SAAL1: variants seen among roughly 807,000 people sequenced by gnomAD.
SAAL1 encodes protein SAAL1.
Under a neutral mutation model 59.8 loss-of-function variants are expected in SAAL1, and 42 were observed. That is an observed-to-expected ratio of 0.70 (90% CI 0.55 to 0.91). SAAL1 has a LOEUF of 0.91. SAAL1 is among the 40% of genes least tolerant of loss of function. SAAL1 has a pLI of 0.00. For missense variants in SAAL1, 542 were observed against 561.1 expected (o/e 0.97, Z 0.34); for synonymous variants, 191 against 194.3 (o/e 0.98, Z 0.14).
At position 18,106,010 on chromosome 11, in the gene SAAL1, C is replaced by G. The variant is rs746496552; in HGVS notation, c.32G>C (p.Gly11Ala). 1.3e-6 allele frequency: 2 copies of G among 1,584,790 alleles called. No individual in the cohort carries two copies. The highest frequency in any genetic ancestry group is 1.1e-5 in the South Asian group (1 of 89,140). MDRNPSPPPP[G>A]RDKEEEEEVA... The stretch of plus-strand genomic sequence containing the variant: ...CTCCTCCTCCTCCTCCTTGTCGCGA[C>G]CCGGCGGCGGCGGCGAGGGGTTGCG... The change falls in exon 1 of 12, where the codon GGT becomes GCT. Residue 11 changes from glycine to alanine, a missense_variant. Gly to Ala is a moderately conservative substitution (Grantham distance 60). Transcript: ENST00000524803.
intron 4 of SAAL1, among the ~76,000 whole-genome samples, chr11:18,091,624 G>C (rs978247613): frequency 2.6e-5 from 4 of 152,170 alleles, no homozygotes; most frequent in African/African-American, 9.7e-5. Flanking sequence ...CTGATTAAAA[G>C]CCATGAACCC....
Position 18,087,248 on chromosome 11 carries a change from C to G in SAAL1, c.771-23G>C, listed in dbSNP as rs181631983. ...GAACTAAATAGGAAAAGTAAAAGCACTGAATCAACAACTTTACTGTCCAGG... is the reference window on the plus strand; with the variant it reads ...GAACTAAATAGGAAAAGTAAAAGCAGTGAATCAACAACTTTACTGTCCAGG... On this transcript the variant is annotated intron_variant, in intron 7 of 11. Transcript: ENST00000524803. The G allele has an allele frequency of 1.4e-4, 206 of 1,476,490 alleles. 1 individual carries two copies. In the East Asian group the frequency reaches 4.5e-3, roughly 32 times the overall value. The allele number at this position is 1,476,490 out of a possible 1,614,324, so 91.5% of individuals were successfully genotyped here. A position where few individuals can be genotyped will look rare whatever the true frequency, so the allele number is the denominator to read the frequency against.
chr11:18,083,685 C>T lies in SAAL1; in HGVS notation c.1089G>A (p.Met363Ile). The change falls in exon 10 of 12, where the codon ATG (methionine) becomes ATA (isoleucine). Residue 363 changes from methionine (M) to isoleucine (I), a missense_variant. By Grantham distance (10) the Met-to-Ile change is conservative (BLOSUM62 1). Coordinates refer to ENST00000524803, the MANE Select transcript of SAAL1 (RefSeq NM_138421.3). ...TCTCTGGTTTTTTCTGACACTGTTCCATATTTTGTAAGACCCGAATGAGGC... is the reference window on the plus strand; with the variant it reads ...TCTCTGGTTTTTTCTGACACTGTTCTATATTTTGTAAGACCCGAATGAGGC... ...IDSLIRVLQN[M>I]EQCQKKPENS... is the part of the protein sequence containing the mutation. 1 of 1,611,172 alleles carries T rather than the reference C, an allele frequency of 6.2e-7. No homozygotes were observed. Among genetic ancestry groups the T allele is most frequent in the East Asian group, 2.2e-5 (1 of 44,800 alleles).
chr11:18,093,097 A>G (rs1848539103), intron 3 of SAAL1, among the ~76,000 whole-genome samples: 1 of 152,162 alleles, frequency 6.6e-6, no homozygotes, highest in Non-Finnish European at 1.5e-5. Flanking sequence ...TCCACACTGT[A>G]TGTGCTGCCT....
intron 10 of SAAL1, among the ~76,000 whole-genome samples, chr11:18,082,152 A>C (rs1434885163): frequency 1.3e-5 from 2 of 152,246 alleles, no homozygotes; most frequent in Admixed American, 1.3e-4. Context: ...TTAAAAGTTA[A>C]GAAATATCGA....
chr11:18,103,261 C>T lies in SAAL1; in HGVS notation c.221G>A (p.Cys74Tyr). 1 of 1,613,706 alleles carries T rather than the reference C, an allele frequency of 6.2e-7. No homozygotes were observed. The highest frequency in any genetic ancestry group is 1.6e-4 in the Middle Eastern group (1 of 6,062). The change falls in exon 2 of 12, where the codon TGC (cysteine) becomes TAC (tyrosine). Residue 74 changes from cysteine to tyrosine, a missense_variant. By Grantham distance (194) the Cys-to-Tyr change is radical (BLOSUM62 -2). Transcript: ENST00000524803. ...ELDEEMENEI[C>Y]RVWDMSMDED... ...ATCCATTGACATATCCCATACTCTG[C>T]AAATTTCATTCTCCATTTCTTCATC...
chr11:18,106,014 G>T lies in SAAL1; in HGVS notation c.28C>A (p.Pro10Thr), dbSNP rs1284911652. Residue 10 changes from proline to threonine, a missense_variant, in exon 1 of 12, where the codon CCG becomes ACG. Coordinates refer to ENST00000524803, the MANE Select transcript of SAAL1 (RefSeq NM_138421.3). MDRNPSPPPPGRDKEEEEEV... is the reference protein window; with the variant it reads MDRNPSPPPTGRDKEEEEEV... Reference sequence around the variant, plus strand: ...TCCTCCTCCTCCTTGTCGCGACCCGGCGGCGGCGGCGAGGGGTTGCGGTCC... The same window carrying T: ...TCCTCCTCCTCCTTGTCGCGACCCGTCGGCGGCGGCGAGGGGTTGCGGTCC... The T allele has an allele frequency of 3.2e-6, 5 of 1,578,890 alleles. No individual in the cohort carries two copies. In the African/African-American group the frequency reaches 6.7e-5, roughly 21 times the overall value.
At chr11:18,082,418 G>A (rs753670403) in intron 10 of SAAL1, among the ~76,000 whole-genome samples, 20 of 151,338 alleles carry the variant, frequency 1.3e-4, no homozygotes, top group African/African-American at 3.9e-4. Flanking sequence ...AATAATAAGC[G>A]TCAAGTAAAA....
chr11:18,097,055 T>C (rs1848585355), intron 2 of SAAL1, among the ~76,000 whole-genome samples: 1 of 151,874 alleles, frequency 6.6e-6, no homozygotes, highest in African/African-American at 2.4e-5. Flanking sequence ...GGCAACACGG[T>C]GAAACCCTGT....
chr11:18,095,947 G>A (rs534605014), intron 3 of SAAL1, among the ~76,000 whole-genome samples: 12 of 152,334 alleles, frequency 7.9e-5, no homozygotes, highest in African/African-American at 2.6e-4. Context: ...ATGAGACAGG[G>A]AGTAGAAAGG....
At chr11:18,095,899 G>C (rs1355485729) in intron 3 of SAAL1, among the ~76,000 whole-genome samples, 1 of 152,178 alleles carries the variant, frequency 6.6e-6, no homozygotes, top group Non-Finnish European at 1.5e-5. Flanking sequence ...AATACTGAGA[G>C]GGGACAGAAG....
intron 2 of SAAL1, among the ~76,000 whole-genome samples, chr11:18,099,144 A>C (rs1848606009): frequency 6.6e-6 from 1 of 152,176 alleles, no homozygotes; most frequent in Non-Finnish European, 1.5e-5. Flanking sequence ...TATCCTGTCC[A>C]TACTGGAGCA....
At chr11:18,093,085 T>A (rs1285860664) in intron 3 of SAAL1, among the ~76,000 whole-genome samples, 1 of 152,210 alleles carries the variant, frequency 6.6e-6, no homozygotes, top group East Asian at 1.9e-4. Context: ...TTGTTCAACA[T>A]ATCCACACTG....
intron 2 of SAAL1, among the ~76,000 whole-genome samples, chr11:18,097,972 G>A (rs527370883): frequency 3.9e-5 from 6 of 152,166 alleles, no homozygotes; most frequent in African/African-American, 9.6e-5. Context: ...ATAGTGAAAC[G>A]CCATCTCTAC....
intron 9 of SAAL1, 30 bp from the exon 10 acceptor site, chr11:18,083,761 T>C (rs1047554666): frequency 2.0e-6 from 3 of 1,488,124 alleles, no homozygotes; most frequent in Non-Finnish European, 2.7e-6. Context: ...AGCATGGAAT[T>C]GGCCAGTTAA....
intron 7 of SAAL1, among the ~76,000 whole-genome samples, chr11:18,088,610 G>A (rs911898130): frequency 6.6e-6 from 1 of 152,156 alleles, no homozygotes; most frequent in Admixed American, 6.5e-5. Context: ...ATAAGGGTTG[G>A]GAGTTGACTG....
chr11:18,103,255 A>C lies in SAAL1; in HGVS notation c.227T>G (p.Val76Gly), dbSNP rs767178556. 1 of 1,612,708 alleles carries C rather than the reference A, an allele frequency of 6.2e-7. No individual in the cohort carries two copies. The highest frequency in any genetic ancestry group is 8.5e-7 in the Non-Finnish European group (1 of 1,178,854). The change falls in exon 2 of 12, where the codon GTA becomes GGA. Residue 76 changes from valine to glycine, a missense_variant. Val to Gly is a moderately radical substitution (Grantham distance 109, BLOSUM62 -3). Transcript: ENST00000524803. ...DEEMENEICR[V>G]WDMSMDEDVA... ...TACCTCATCCATTGACATATCCCATACTCTGCAAATTTCATTCTCCATTTC... is the reference window on the plus strand; with the variant it reads ...TACCTCATCCATTGACATATCCCATCCTCTGCAAATTTCATTCTCCATTTC...
chr11:18,101,304 T>A (rs1344648947), intron 2 of SAAL1, among the ~76,000 whole-genome samples: 1 of 152,196 alleles, frequency 6.6e-6, no homozygotes, highest in Non-Finnish European at 1.5e-5. Flanking sequence ...TGTCCCCTCC[T>A]AAATCTGACC....
Position 18,081,953 on chromosome 11 carries a change from T to C in SAAL1, c.1240-450A>G, listed in dbSNP as rs570736270. The stretch of plus-strand genomic sequence containing the variant: ...CTCCAGCCTCAACTCTCTCTACTCC[T>C]TCCTCTCTATTGCTTTTGGAGTAAT... On this transcript the variant is annotated intron_variant, in intron 10 of 11. Coordinates refer to ENST00000524803, the MANE Select transcript of SAAL1 (RefSeq NM_138421.3). 4.5e-3 allele frequency among the ~76,000 whole-genome samples: 693 copies of C among 152,326 alleles called. 11 individuals are homozygous for C. The highest frequency in any genetic ancestry group is 4.3e-3 in the Non-Finnish European group (295 of 68,020).
Sources: gnomAD v4.1 joint callset for allele counts (sites outside exome capture counted in the v4.1 genomes callset) on GRCh38, gnomAD v4.1.1 for gene constraint, MANE v1.5 for transcripts, NCBI Gene and HGNC (gene_info 2026-07-23, HGNC 2026-07-21) for gene names.